MYH13: variants seen among roughly 807,000 people sequenced by gnomAD.
The protein encoded by MYH13 is myosin-13.
Under a neutral mutation model 232.1 loss-of-function variants are expected in MYH13, and 177 were observed. The ratio of observed to expected loss-of-function variants is 0.76; its 90% confidence interval spans 0.67 to 0.86. MYH13 has a LOEUF of 0.86. Among genes scored for constraint, MYH13 ranks in the 40% least tolerant of loss-of-function variants. MYH13 has a pLI of 0.00. For missense variants in MYH13, 2,246 were observed against 2,405.9 expected, an observed-to-expected ratio of 0.93 and a Z score of 1.39; for synonymous variants, 884 against 923.5, an observed-to-expected ratio of 0.96 and a Z score of 0.78.
At chr17:10,322,758 T>C (rs560088982) in intron 23 of MYH13, among the ~76,000 whole-genome samples, 134 of 149,998 alleles carry the variant, frequency 8.9e-4, no homozygotes, top group South Asian at 3.3e-3. Context: ...CTCAGCCTCC[T>C]GAGTAGCTGG....
intron 16 of MYH13, among the ~76,000 whole-genome samples, chr17:10,343,039 G>A (rs544351640): frequency 1.3e-4 from 19 of 149,028 alleles, no homozygotes; most frequent in African/African-American, 3.7e-4. Context: ...GCAGTGAGCC[G>A]AGATTGCACC....
intron 23 of MYH13, among the ~76,000 whole-genome samples, chr17:10,322,556 A>G (rs149464861): frequency 1.3e-3 from 204 of 151,660 alleles, no homozygotes; most frequent in African/African-American, 4.7e-3. Flanking sequence ...CTCCTAATCT[A>G]TGGGCTGAAT....
intron 2 of MYH13, among the ~76,000 whole-genome samples, chr17:10,365,182 C>G (rs1283663933): frequency 2.0e-5 from 3 of 152,172 alleles, no homozygotes; most frequent in Non-Finnish European, 4.4e-5. Flanking sequence ...TCCTAGGAAG[C>G]ACTTTCTAAA....
At position 10,304,764 on chromosome 17, in the gene MYH13, A is replaced by G. The variant is rs1906220441; in HGVS notation, c.5467-1266T>C. 6.6e-6 allele frequency among the ~76,000 whole-genome samples: 1 copy of G among 152,258 alleles called. No individual in the cohort carries two copies. Among genetic ancestry groups the G allele is most frequent in the Non-Finnish European group, 1.5e-5 (1 of 68,042 alleles). ...AATGAAAGTATGTGAAAGTATTGTT[A>G]GAATGACAAAGCACTACACAGGTGT... On this transcript the variant is annotated intron_variant, in intron 37 of 40. Transcript: ENST00000252172. This position sits in a 1 kb window ranked among gnomAD's most constrained non-coding sequence, Gnocchi z 5.3.
rs1906550943 is a variant in MYH13 at position 10,312,695 on chromosome 17, C to T, written c.4244G>A (p.Cys1415Tyr). Residue 1415 changes from cysteine (C) to tyrosine (Y), a missense_variant, in exon 31 of 41, where the codon TGC becomes TAC. By Grantham distance (194) the Cys-to-Tyr change is radical. Transcript: ENST00000252172. ...EENTETANSK[C>Y]ASLEKTKQRL... ...CTGCTTGGTTTTCTCCAACGATGCG[C>T]ACTTGGAGTTCGCCGTCTCCGTGTT... The T allele has an allele frequency of 1.9e-6, 3 of 1,613,552 alleles. No homozygotes were observed. The highest frequency in any genetic ancestry group is 1.3e-5 in the African/African-American group (1 of 74,886).
chr17:10,355,204 C>T, intron 8 of MYH13, 57 bp from the exon 9 acceptor site: 2 of 1,530,244 alleles, frequency 1.3e-6, no homozygotes, highest in Admixed American at 3.9e-5. Context: ...GGTTTTGTGG[C>T]TGGCCTTAGA....
At chr17:10,312,958 G>T (rs1054225964) in intron 30 of MYH13, among the ~76,000 whole-genome samples, 200 bp downstream of exon 30, 1 of 151,964 alleles carries the variant, frequency 6.6e-6, no homozygotes, top group African/African-American at 2.4e-5. Context: ...TCCCTAAGGA[G>T]CACCTCCAGG....
intron 3 of MYH13, 127 bp from the exon 4 acceptor site, chr17:10,362,630 G>T: frequency 7.8e-7 from 1 of 1,289,842 alleles, no homozygotes; most frequent in Non-Finnish European, 1.1e-6. Context: ...TAATTTCATG[G>T]ATCATTTCCA....
chr17:10,361,342 A>G (rs1000623453), intron 5 of MYH13, among the ~76,000 whole-genome samples: 2 of 151,002 alleles, frequency 1.3e-5, no homozygotes, highest in African/African-American at 4.9e-5. Flanking sequence ...CCCAGGCTGA[A>G]GTGCAGTGGC....
chr17:10,349,033 C>T (rs776152642), intron 12 of MYH13, among the ~76,000 whole-genome samples: 4 of 151,176 alleles, frequency 2.6e-5, no homozygotes, highest in Non-Finnish European at 5.9e-5. Context: ...TTCTCCCTTC[C>T]TTCTCCCTTC....
chr17:10,364,177 G>C, intron 3 of MYH13, 150 bp downstream of exon 3: 2 of 810,392 alleles, frequency 2.5e-6, no homozygotes, highest in Non-Finnish European at 3.9e-6. Context: ...TGTAATAGCA[G>C]CTTTCATCTG....
At chr17:10,356,710 C>T (rs929514784) in intron 8 of MYH13, among the ~76,000 whole-genome samples, 13 of 152,218 alleles carry the variant, frequency 8.5e-5, no homozygotes, top group East Asian at 5.8e-4. Flanking sequence ...ATCTTTCAGG[C>T]GACGAAATAC....
rs780897551 is a variant in MYH13, at chr17:10,340,341, G to A, written c.1955C>T (p.Ser652Leu). ...KKKGSSFQTVSAVFRENLNKL... is the reference protein window; with the variant it reads ...KKKGSSFQTVLAVFRENLNKL... The stretch of plus-strand genomic sequence containing the variant: ...CAAAACACCAACCCTGAACACGGCC[G>A]ACACGGTCTGGAAAGAGGAGCCCTT... The change falls in exon 17 of 41, where the codon TCG becomes TTG. Residue 652 changes from serine to leucine, a missense_variant. Physicochemically the swap from Ser to Leu is moderately radical, Grantham distance 145 (BLOSUM62 -2). Coordinates refer to ENST00000252172, the MANE Select transcript of MYH13 (RefSeq NM_003802.3). 4.3e-6 allele frequency: 7 copies of A among 1,613,878 alleles called. No individual in the cohort carries two copies. The highest frequency in any genetic ancestry group is 3.3e-5 in the Admixed American group (2 of 60,020).
intron 27 of MYH13, among the ~76,000 whole-genome samples, chr17:10,318,443 C>A (rs1397243650): frequency 6.6e-6 from 1 of 152,108 alleles, no homozygotes; most frequent in East Asian, 1.9e-4. Context: ...TTCACCCCTT[C>A]TACCACATGA....
At chr17:10,369,888 C>G (rs1242848634) in intron 2 of MYH13, among the ~76,000 whole-genome samples, 2 of 152,210 alleles carry the variant, frequency 1.3e-5, no homozygotes, top group Non-Finnish European at 2.9e-5. Flanking sequence ...ATCTGGCTCT[C>G]CATTTGTTCT....
At position 10,319,178 on chromosome 17, in the gene MYH13, G is replaced by T. The variant is rs745906763; in HGVS notation, c.3350C>A (p.Ala1117Asp). 1.2e-5 allele frequency: 19 copies of T among 1,612,628 alleles called. No individual in the cohort carries two copies. Among genetic ancestry groups the T allele is most frequent in the Non-Finnish European group, 1.5e-5 (18 of 1,179,394 alleles). ...QFQKKIKELQ[A>D]RIEELEEEIE... is the part of the protein sequence containing the mutation. ...TTCCTCCTCCAGCTCTTCTATGCGG[G>T]CCTGAAAGGATTACTCTATCAGGAA... The change falls in exon 27 of 41, where the codon GCC becomes GAC. Residue 1117 changes from alanine to aspartate, a missense_variant and splice_region_variant. Transcript: ENST00000252172.
Position 10,306,546 on chromosome 17 carries a change from C to T in MYH13, c.5379G>A (p.Thr1793=), listed in dbSNP as rs368292833. 8 of 1,614,098 alleles carry T rather than the reference C, an allele frequency of 5.0e-6. No individual in the cohort carries two copies. The East Asian group carries it at 6.7e-5, about 13-fold the overall frequency. Residue 1793 remains threonine, a synonymous_variant, in exon 37 of 41, where the codon ACG becomes ACA. Transcript: ENST00000252172. This position sits in a 1 kb window ranked among gnomAD's most constrained non-coding sequence, Gnocchi z 4.3. ...LERMKKNLEQ[T]VKDLQHRLDE... ...CTAGACGGTGCTGCAGGTCCTTCAC[C>T]GTCTGCTCCAGGTTCTTCTTCATCC...
chr17:10,321,383 C>G (rs879464341), intron 24 of MYH13, 149 bp downstream of exon 24: 3 of 736,340 alleles, frequency 4.1e-6, no homozygotes, highest in Non-Finnish European at 6.3e-6. Context: ...ATCCCAGACT[C>G]CTTCAGGGTC....
At chr17:10,335,262 A>T (rs765877909) in intron 18 of MYH13, among the ~76,000 whole-genome samples, 8 of 152,240 alleles carry the variant, frequency 5.3e-5, no homozygotes, top group Non-Finnish European at 1.0e-4. Flanking sequence ...GGCTATGTGT[A>T]TAAGACCCAT....
Sources: gnomAD v4.1 joint callset for allele counts (sites outside exome capture counted in the v4.1 genomes callset) on GRCh38, gnomAD v4.1.1 for gene constraint, Gnocchi (gnomAD v3.1) non-coding constraint, MANE v1.5 for transcripts, NCBI Gene and HGNC (gene_info 2026-07-23, HGNC 2026-07-21) for gene names.